TENM1: variants seen among roughly 807,000 people sequenced by gnomAD.
TENM1 encodes the protein teneurin-1.
A neutral mutation model predicts 174.8 loss-of-function variants in TENM1; 35 were observed. That is an observed-to-expected ratio of 0.20 (90% CI 0.15 to 0.27). The LOEUF (loss-of-function observed/expected upper bound fraction) is 0.27, where lower values mean the gene tolerates loss of function less well. TENM1 is among the 10% of genes least tolerant of loss of function. TENM1 has a pLI of 1.00. For missense variants in TENM1, 1,633 were observed against 2,130.1 expected (o/e 0.77, Z 4.59); for synonymous variants, 781 against 798.7 (o/e 0.98, Z 0.37).
chrX:124,411,264 A>G (rs2060529051), intron 25 of TENM1, among the ~76,000 whole-genome samples: 1 of 111,741 alleles, frequency 8.9e-6, no homozygotes, highest in South Asian at 3.8e-4. Flanking sequence ...AGATTCCTAG[A>G]TAAGACTGTA....
intron 20 of TENM1, among the ~76,000 whole-genome samples, chrX:124,495,986 T>C (rs1225963225): frequency 3.0e-5 from 3 of 101,276 alleles, no homozygotes; most frequent in Non-Finnish European, 5.9e-5. Flanking sequence ...AAGGCTACAG[T>C]AACCAAAACA....
At chrX:124,577,045 C>T (rs1338994332) in intron 11 of TENM1, among the ~76,000 whole-genome samples, 2 of 112,151 alleles carry the variant, frequency 1.8e-5, no homozygotes, top group Admixed American at 9.5e-5. Flanking sequence ...GAACACTTCA[C>T]GAAGACTAAA....
At chrX:125,089,703 A>C in the TENM1 span, among the ~76,000 whole-genome samples, 1 of 111,755 alleles carries the variant, frequency 8.9e-6, no homozygotes, top group Non-Finnish European at 1.9e-5. Context: ...GGAGACTAAG[A>C]ATGGCAGTAG....
the TENM1 span, among the ~76,000 whole-genome samples, chrX:125,091,139 C>A: frequency 1.8e-5 from 2 of 109,114 alleles, no homozygotes; most frequent in Non-Finnish European, 3.8e-5. Context: ...AGTTAAGGGA[C>A]CTGCAACAAG....
chrX:125,144,487 C>G, the TENM1 span, among the ~76,000 whole-genome samples: 1 of 111,577 alleles, frequency 9.0e-6, no homozygotes, highest in Non-Finnish European at 1.9e-5. Flanking sequence ...CTAAGCATTT[C>G]ATGGCTCTTT....
the TENM1 span, among the ~76,000 whole-genome samples, chrX:125,065,179 G>A: frequency 1.8e-5 from 2 of 112,224 alleles, no homozygotes; most frequent in South Asian, 7.4e-4. Flanking sequence ...AAAGCAGACA[G>A]GTCAAAAACA....
intron 22 of TENM1, among the ~76,000 whole-genome samples, chrX:124,461,705 T>C (rs539970176): frequency 9.0e-6 from 1 of 111,128 alleles, no homozygotes; most frequent in African/African-American, 3.3e-5. Flanking sequence ...AGAGAGTAGA[T>C]TAGTCGTTAC....
chrX:124,802,312 T>G (rs1485162019), intron 3 of TENM1, among the ~76,000 whole-genome samples: 2 of 111,891 alleles, frequency 1.8e-5, no homozygotes, highest in Non-Finnish European at 3.8e-5. Flanking sequence ...CTTTTTTTGG[T>G]GCTCTTGTTG....
chrX:125,129,891 G>C, the TENM1 span, among the ~76,000 whole-genome samples: 2 of 111,443 alleles, frequency 1.8e-5, no homozygotes, highest in East Asian at 2.8e-4. Flanking sequence ...ATTGTGAATA[G>C]TGCTGCAACA....
chrX:125,026,533 G>A, the TENM1 span, among the ~76,000 whole-genome samples: 3 of 111,645 alleles, frequency 2.7e-5, no homozygotes, highest in South Asian at 3.7e-4. Flanking sequence ...AAAGCTATCC[G>A]CTCATTCACT....
chrX:125,011,406 T>C, the TENM1 span, among the ~76,000 whole-genome samples: 3 of 111,530 alleles, frequency 2.7e-5, no homozygotes, highest in Non-Finnish European at 5.7e-5. Flanking sequence ...ACCTACAGAA[T>C]GGGAGAAAAT....
At chrX:124,556,688 G>A (rs1323735469) in intron 14 of TENM1, among the ~76,000 whole-genome samples, 2 of 110,307 alleles carry the variant, frequency 1.8e-5, no homozygotes, top group Non-Finnish European at 3.8e-5. Context: ...ATCTTTAAAG[G>A]GTACCCATTT....
intron 3 of TENM1, among the ~76,000 whole-genome samples, chrX:124,892,288 GATCCCCTT>G (rs2057490205): frequency 9.0e-6 from 1 of 111,654 alleles, no homozygotes; most frequent in African/African-American, 3.3e-5. Flanking sequence ...AAAGGCTCCA[GATCCCCTT>G]CTGTCACCTG....
Position 124,497,004 on chromosome X carries a change from G to T in TENM1, c.3695+12C>A. 8.3e-7 allele frequency: 1 copy of T among 1,207,007 alleles called. No individual in the cohort carries two copies. Among genetic ancestry groups the T allele is most frequent in the South Asian group, 1.8e-5 (1 of 56,760 alleles). On this transcript the variant is annotated intron_variant, in intron 20 of 31. Coordinates refer to ENST00000422452, the Ensembl canonical transcript of TENM1. ...CTGCTAAGCAAATATATAGAGATTAGAGAAGACTTACCTTAATTCCAAAAT... is the reference window on the plus strand; with the variant it reads ...CTGCTAAGCAAATATATAGAGATTATAGAAGACTTACCTTAATTCCAAAAT...
At chrX:125,026,045 A>T in the TENM1 span, among the ~76,000 whole-genome samples, 1 of 111,252 alleles carries the variant, frequency 9.0e-6, no homozygotes, top group South Asian at 3.7e-4. Flanking sequence ...AATAAAAGAA[A>T]AGGAAAAAGT....
intron 11 of TENM1, among the ~76,000 whole-genome samples, chrX:124,590,490 C>G (rs1485688008): frequency 3.6e-5 from 4 of 110,683 alleles, no homozygotes; most frequent in African/African-American, 1.3e-4. Flanking sequence ...AGGATACAAA[C>G]AAATGGAAGA....
chrX:124,520,825 T>C, intron 17 of TENM1, 41 bp from the exon 21 acceptor site: 1 of 1,108,394 alleles, frequency 9.0e-7, no homozygotes, highest in Non-Finnish European at 1.2e-6. Flanking sequence ...TAGGCTCTTG[T>C]CAGTGGTCGC....
the TENM1 span, among the ~76,000 whole-genome samples, chrX:124,973,793 T>G: frequency 9.0e-6 from 1 of 111,719 alleles, no homozygotes; most frequent in Admixed American, 9.5e-5. Context: ...AAAGGATGAG[T>G]TCATGTCCTT....
At chrX:124,496,034 G>A (rs2047193953) in intron 20 of TENM1, among the ~76,000 whole-genome samples, 1 of 103,340 alleles carries the variant, frequency 9.7e-6, no homozygotes, top group African/African-American at 3.7e-5. Context: ...ATAGATCAAT[G>A]GAACAGAACA....
Sources: allele counts gnomAD v4.1 joint callset (sites outside exome capture counted in the v4.1 genomes callset), GRCh38; gene constraint gnomAD v4.1.1; transcripts MANE v1.5; gene names NCBI Gene and HGNC (gene_info 2026-07-23, HGNC 2026-07-21).